The following SPEN variants were observed in gnomAD, a reference collection of about 807,000 sequenced individuals.
SPEN encodes spen family transcriptional repressor.
SPEN carries 18 observed loss-of-function variants against 269.9 expected under a neutral mutation model. The ratio of observed to expected loss-of-function variants is 0.07; its 90% CI spans 0.05 to 0.10. The LOEUF (loss-of-function observed/expected upper bound fraction) is 0.10. Among genes scored for constraint, SPEN ranks in the 10% least tolerant of loss-of-function variants. The pLI is 1.00. For synonymous variants in SPEN, 1,726 were observed against 1,765.7 expected (o/e 0.98, Z 0.56); for missense variants, 3,822 against 4,631.2 (o/e 0.83, Z 5.07).
chr1:15,854,283 A>G lies in SPEN; in HGVS notation c.83+6133A>G, dbSNP rs1265667959. 2.0e-5 allele frequency among the ~76,000 whole-genome samples: 3 copies of G among 152,152 alleles called. No homozygotes were observed. In the East Asian group the frequency reaches 5.8e-4, roughly 29 times the overall value. On this transcript the variant is annotated intron_variant, in intron 1 of 14. Coordinates refer to ENST00000375759, the MANE Select transcript of SPEN (RefSeq NM_015001.3). ...TGCTGTTCAGCCCCTTGAAACACAT[A>G]TATTAGCCTGCTGAACAAGGAGACT... is the stretch of plus-strand genomic sequence containing the variant.
At chr1:15,857,779 G>T (rs192954270) in intron 1 of SPEN, among the ~76,000 whole-genome samples, 1 of 152,006 alleles carries the variant, frequency 6.6e-6, no homozygotes, top group East Asian at 1.9e-4. Flanking sequence ...TCCCACCTTA[G>T]CCTTCTCAGT....
chr1:15,932,742 C>A lies in SPEN; in HGVS notation c.6502C>A (p.Gln2168Lys). Residue 2168 changes from glutamine to lysine, a missense_variant, in exon 11 of 15, where the codon CAG (glutamine) becomes AAG (lysine). Transcript: ENST00000375759. This position sits in a 1 kb window ranked among gnomAD's most constrained non-coding sequence, Gnocchi z 4.2. ...CCCAGAAGCCACCCAGTTAGCCAAG[C>A]AGATGGAGCTGGAGCAGGCCGTGGA... is the stretch of plus-strand genomic sequence containing the variant. ...PSPEATQLAK[Q>K]MELEQAVEHI... 2 of 1,614,190 alleles carry A rather than the reference C, an allele frequency of 1.2e-6. No individual in the cohort carries two copies. The highest frequency in any genetic ancestry group is 1.7e-6 in the Non-Finnish European group (2 of 1,180,036).
At chr1:15,873,608 CA>C in intron 2 of SPEN, 1 of 993,516 alleles carries the variant, frequency 1.0e-6, no homozygotes, top group Non-Finnish European at 1.2e-6. Context: ...TGGATTGTAA[CA>C]AAAAATCTGG....
intron 3 of SPEN, among the ~76,000 whole-genome samples, chr1:15,877,719 C>G (rs1333553606): frequency 1.5e-5 from 2 of 136,100 alleles, no homozygotes; most frequent in Non-Finnish European, 3.2e-5. Flanking sequence ...TATTTATGTT[C>G]TTCAGGTCTC....
chr1:15,928,474 AGAGGTTGCC>A lies in SPEN; in HGVS notation c.2238_2246del (p.Arg746_Pro748del). ...CCTGGAGCGTCTCCCTCTCAGGCAG[AGAGGTTGCC>A]GAGTGATTCTGAGAGGAGGCTTTAC... On this transcript the variant is annotated inframe_deletion, in exon 11 of 15. Transcript: ENST00000375759. The surrounding 1 kb of genome is among the most constrained non-coding windows in gnomAD (Gnocchi z 5.7). 2 of 1,614,112 alleles carry A rather than the reference AGAGGTTGCC, an allele frequency of 1.2e-6. No homozygotes were observed. The highest frequency in any genetic ancestry group is 1.7e-6 in the Non-Finnish European group (2 of 1,180,014).
Position 15,935,248 on chromosome 1 carries a change from C to T in SPEN, c.9008C>T (p.Ser3003Leu), listed in dbSNP as rs1386910185. Residue 3003 changes from serine to leucine, a missense_variant, in exon 11 of 15, where the codon TCG (serine) becomes TTG (leucine). Coordinates refer to ENST00000375759, the MANE Select transcript of SPEN (RefSeq NM_015001.3). This position sits in a 1 kb window ranked among gnomAD's most constrained non-coding sequence, Gnocchi z 7.7. ...CCTACAGAAGTCAACCATGTCCCCT[C>T]GGGGCCCAGCATCCCAGCAGATCGA... is the stretch of plus-strand genomic sequence containing the variant. ...KLPTEVNHVP[S>L]GPSIPADRTV... is the part of the protein sequence containing the mutation. 7.4e-6 allele frequency: 12 copies of T among 1,614,166 alleles called. No homozygotes were observed. Among genetic ancestry groups the T allele is most frequent in the East Asian group, 6.7e-5 (3 of 44,866 alleles).
chr1:15,873,176 G>C (rs2148710814), intron 2 of SPEN, 40 bp downstream of exon 2: 1 of 1,546,260 alleles, frequency 6.5e-7, no homozygotes, highest in Admixed American at 2.0e-5. Context: ...TTTTGTATTT[G>C]ATATGGTGAG....
chr1:15,932,405 T>A lies in SPEN; in HGVS notation c.6165T>A (p.Pro2055=), dbSNP rs1237014469. ...RKDAGTDKNP[P]ETAPVEVVEK... is the part of the protein sequence containing the mutation. The stretch of plus-strand genomic sequence containing the variant: ...ATGCTGGCACAGACAAAAACCCCCC[T>A]GAAACCGCCCCTGTTGAAGTTGTAG... Residue 2055 remains proline (P), a synonymous_variant, in exon 11 of 15, where the codon CCT becomes CCA. Coordinates refer to ENST00000375759, the MANE Select transcript of SPEN (RefSeq NM_015001.3). The surrounding 1 kb of genome is among the most constrained non-coding windows in gnomAD (Gnocchi z 4.2). The A allele has an allele frequency of 6.2e-7, 1 of 1,613,846 alleles. No individual in the cohort carries two copies. The highest frequency in any genetic ancestry group is 8.5e-7 in the Non-Finnish European group (1 of 1,179,974).
At chr1:15,901,068 G>C (rs755183445) in intron 3 of SPEN, among the ~76,000 whole-genome samples, 8 of 151,938 alleles carry the variant, frequency 5.3e-5, no homozygotes, top group Non-Finnish European at 1.2e-4. Flanking sequence ...ATAGAGGCTT[G>C]AGTCAGGTGT....
rs1028627446 is a variant in SPEN, at chr1:15,848,923, C to A, written c.83+773C>A. Among the ~76,000 whole-genome samples, 3 of 152,128 alleles carry A rather than the reference C, an allele frequency of 2.0e-5. No individual in the cohort carries two copies. Among genetic ancestry groups the A allele is most frequent in the Non-Finnish European group, 2.9e-5 (2 of 68,024 alleles). On this transcript the variant is annotated intron_variant, in intron 1 of 14. Coordinates refer to ENST00000375759, the MANE Select transcript of SPEN (RefSeq NM_015001.3). The surrounding 1 kb of genome is among the most constrained non-coding windows in gnomAD (Gnocchi z 5.1). Reference sequence around the variant, plus strand: ...GCCGCCCTAAGACCCTGGTGCCCCCCACCCCTGAATTCCCGAATCAAACGG... The same window carrying A: ...GCCGCCCTAAGACCCTGGTGCCCCCAACCCCTGAATTCCCGAATCAAACGG...
intron 5 of SPEN, among the ~76,000 whole-genome samples, chr1:15,912,239 G>T (rs753476885): frequency 1.3e-5 from 2 of 152,150 alleles, no homozygotes; most frequent in Non-Finnish European, 2.9e-5. Context: ...TTTCAGGACC[G>T]CCTGCAGTAC....
chr1:15,915,475 C>T (rs537476869), intron 5 of SPEN, among the ~76,000 whole-genome samples: 16 of 152,278 alleles, frequency 1.1e-4, no homozygotes, highest in South Asian at 4.1e-4. Context: ...GGTGGCAGAG[C>T]GAGACTCTGT....
At chr1:15,922,736 C>T (rs1204013236) in intron 10 of SPEN, among the ~76,000 whole-genome samples, 1 of 152,124 alleles carries the variant, frequency 6.6e-6, no homozygotes, top group East Asian at 1.9e-4. Flanking sequence ...GATCCTCACA[C>T]ATCATCTTCT....
In SPEN at chr1:15,933,102, G is replaced by A. The variant is rs1456670583; in HGVS notation, c.6862G>A (p.Ala2288Thr). The change falls in exon 11 of 15, where the codon GCT becomes ACT. Residue 2288 changes from alanine (A) to threonine (T), a missense_variant. Physicochemically the swap from Ala to Thr is moderately conservative, Grantham distance 58. Coordinates refer to ENST00000375759, the MANE Select transcript of SPEN (RefSeq NM_015001.3). This position sits in a 1 kb window ranked among gnomAD's most constrained non-coding sequence, Gnocchi z 5.7. The stretch of plus-strand genomic sequence containing the variant: ...AGAATCTTCTAGGCCTCCAGTCAAT[G>A]CTCCTGACCCCTCAGCCGGCCCAAC... ...ATESSRPPVN[A>T]PDPSAGPTDT... 2.5e-6 allele frequency: 4 copies of A among 1,614,048 alleles called. No individual in the cohort carries two copies. In the Admixed American group the frequency reaches 5.0e-5, roughly 20 times the overall value.
At position 15,930,363 on chromosome 1, in the gene SPEN, C is replaced by G; in HGVS notation, c.4123C>G (p.Pro1375Ala). ...AAAAAGGTCTGTACGAGATCTGGAA[C>G]CTGGTGAGGTGCCTTCTGATTCTGA... ...LRKRSVRDLE[P>A]GEVPSDSDED... Residue 1375 changes from proline to alanine, a missense_variant, in exon 11 of 15, where the codon CCT (proline) becomes GCT (alanine). Transcript: ENST00000375759. The surrounding 1 kb of genome is among the most constrained non-coding windows in gnomAD (Gnocchi z 5.3). 1 of 1,613,416 alleles carries G rather than the reference C, an allele frequency of 6.2e-7. No homozygotes were observed. Among genetic ancestry groups the G allele is most frequent in the Non-Finnish European group, 8.5e-7 (1 of 1,179,462 alleles).
rs189599700 is a variant in SPEN at position 15,879,724 on chromosome 1, G to A, written c.881+3046G>A. 8.6e-5 allele frequency among the ~76,000 whole-genome samples: 13 copies of A among 151,004 alleles called. No homozygotes were observed. The Admixed American group carries it at 8.6e-4, about 10-fold the overall frequency. On this transcript the variant is annotated intron_variant, in intron 3 of 14. Coordinates refer to ENST00000375759, the MANE Select transcript of SPEN (RefSeq NM_015001.3). The stretch of plus-strand genomic sequence containing the variant: ...CTCGCTCTGTCACCCAGGCTGGAAT[G>A]CAGTGGCACGATCTCGGCTCACTGC...
In SPEN at chr1:15,929,545, A is replaced by G. The variant is rs755778364; in HGVS notation, c.3305A>G (p.Gln1102Arg). The change falls in exon 11 of 15, where the codon CAA (glutamine) becomes CGA (arginine). Residue 1102 changes from glutamine to arginine, a missense_variant. Gln to Arg is a conservative substitution (Grantham distance 43, BLOSUM62 1). This residue lies in a region of SPEN where 572 missense variants were observed against 582.6 expected (regional missense o/e 0.98). Transcript: ENST00000375759. This position sits in a 1 kb window ranked among gnomAD's most constrained non-coding sequence, Gnocchi z 5.8. The stretch of plus-strand genomic sequence containing the variant: ...GAATCTGTGGAAAATCAAGAAGTCC[A>G]ATCAAAAAAGCCCATTCCCTCAAAA... The part of the protein sequence containing the change: ...AGESVENQEV[Q>R]SKKPIPSKPQ... 5 of 1,613,980 alleles carry G rather than the reference A, an allele frequency of 3.1e-6. No individual in the cohort carries two copies. The highest frequency in any genetic ancestry group is 4.2e-6 in the Non-Finnish European group (5 of 1,179,938).
At chr1:15,936,358 G>C (rs1366815780) in intron 11 of SPEN, 92 bp downstream of exon 11, 9 of 1,432,120 alleles carry the variant, frequency 6.3e-6, no homozygotes, top group Admixed American at 2.6e-5. Flanking sequence ...AAGAAATCAG[G>C]GGCCAGGTGT....
intron 3 of SPEN, among the ~76,000 whole-genome samples, chr1:15,906,920 C>T (rs370331961): frequency 5.3e-4 from 80 of 151,628 alleles, no homozygotes; most frequent in African/African-American, 1.7e-3. Flanking sequence ...ATTACAGGTA[C>T]GTGCCACCAT....
Sources: allele counts gnomAD v4.1 joint callset (sites outside exome capture counted in the v4.1 genomes callset), GRCh38; gene constraint gnomAD v4.1.1; regional missense constraint gnomAD v4.1.1; non-coding constraint Gnocchi (gnomAD v3.1); transcripts MANE v1.5; gene names NCBI Gene and HGNC (gene_info 2026-07-23, HGNC 2026-07-21).